SYN3: variants seen among roughly 807,000 people sequenced by gnomAD.
SYN3 encodes synapsin III.
In SYN3, 35 loss-of-function variants were observed where a neutral mutation model predicts 65.8. The observed-to-expected ratio is 0.53, with a 90% CI of 0.41 to 0.70. The LOEUF is 0.70. Among genes scored for constraint, SYN3 ranks in the 30% least tolerant of loss-of-function variants. SYN3 has a pLI of 0.00. For missense variants in SYN3, 680 were observed against 749.0 expected, an observed-to-expected ratio of 0.91 and a Z score of 1.08; for synonymous variants, 270 against 292.9, an observed-to-expected ratio of 0.92 and a Z score of 0.80.
intron 7 of SYN3, among the ~76,000 whole-genome samples, chr22:32,591,852 C>G (rs1470195348): frequency 6.6e-6 from 1 of 152,168 alleles, no homozygotes; most frequent in Non-Finnish European, 1.5e-5. Context: ...TCTTGCACCA[C>G]CCAGCTCCAT....
intron 1 of SYN3, among the ~76,000 whole-genome samples, chr22:33,038,566 G>T (rs1004377277): frequency 6.6e-6 from 1 of 152,150 alleles, no homozygotes; most frequent in Admixed American, 6.5e-5. Context: ...AGAAAAGCAA[G>T]CTCTGGGGGC....
chr22:32,921,628 T>C (rs9621600), intron 4 of SYN3, among the ~76,000 whole-genome samples: 9,645 of 152,230 alleles, frequency 0.063, 988 homozygotes, highest in African/African-American at 0.22. Flanking sequence ...AAAAGTGTGA[T>C]CTGGGGCAAT....
intron 5 of SYN3, among the ~76,000 whole-genome samples, chr22:32,866,754 C>T (rs2048698320): frequency 6.6e-6 from 1 of 152,184 alleles, no homozygotes; most frequent in South Asian, 2.1e-4. Flanking sequence ...GGCCAAAAAG[C>T]CCAGTTAGGG....
chr22:32,520,586 G>A (rs1280737970), intron 12 of SYN3, among the ~76,000 whole-genome samples: 2 of 152,098 alleles, frequency 1.3e-5, no homozygotes, highest in East Asian at 1.9e-4. Context: ...ACTACACCAC[G>A]CAGGCTCGCC....
intron 4 of SYN3, among the ~76,000 whole-genome samples, chr22:32,928,692 G>A: frequency 6.6e-6 from 1 of 152,064 alleles, no homozygotes. Context: ...CCAAGCTTCT[G>A]CTTTCGGTGG....
At chr22:32,976,293 G>A (rs1443762380) in intron 3 of SYN3, among the ~76,000 whole-genome samples, 1 of 152,058 alleles carries the variant, frequency 6.6e-6, no homozygotes, top group Non-Finnish European at 1.5e-5. Flanking sequence ...TTGCTCAAGG[G>A]CAGGGTTTAT....
intron 6 of SYN3, among the ~76,000 whole-genome samples, chr22:32,780,983 T>TTCCTTTCTTCCC (rs2046041065): frequency 1.4e-4 from 11 of 78,186 alleles, no homozygotes; most frequent in African/African-American, 4.4e-4. Context: ...CCTTCCCTCC[T>TTCCTTTCTTCCC]TCCTTCCTCT....
intron 6 of SYN3, among the ~76,000 whole-genome samples, chr22:32,735,467 C>T (rs992967212): frequency 6.6e-6 from 1 of 152,156 alleles, no homozygotes; most frequent in Non-Finnish European, 1.5e-5. Flanking sequence ...ATAATTTGTA[C>T]GAATGACCTA....
Position 33,028,643 on chromosome 22 carries a change from ATGGTGG to A in SYN3, c.-162-21825_-162-21820del, listed in dbSNP as rs133971. On this transcript the variant is annotated intron_variant, in intron 1 of 13. Transcript: ENST00000358763. ...ACTAGGAAGTATAATAAGAACCATG[ATGGTGG>A]TGGTGGTGGTGGTGGTGGTGGTGGT... Among the ~76,000 whole-genome samples, 445 of 93,132 alleles carry A rather than the reference ATGGTGG, an allele frequency of 4.8e-3. 2 individuals are homozygous for A. Among genetic ancestry groups the A allele is most frequent in the African/African-American group, 7.0e-3 (180 of 25,572 alleles). The allele number at this position is 93,132 out of a possible 152,430, so 61.1% of individuals were successfully genotyped here.
chr22:32,992,623 A>G (rs2052752778), intron 2 of SYN3, among the ~76,000 whole-genome samples: 1 of 152,018 alleles, frequency 6.6e-6, no homozygotes, highest in Admixed American at 6.5e-5. Flanking sequence ...GACCAGCCTG[A>G]CCAATATAGT....
At chr22:32,862,227 C>T (rs1024776527) in intron 6 of SYN3, 1 of 152,212 alleles carries the variant, frequency 6.6e-6, no homozygotes, top group African/African-American at 2.4e-5. Flanking sequence ...AATCCAGGGC[C>T]ATGGGAGATA....
At chr22:32,749,748 G>T (rs2045055189) in intron 6 of SYN3, among the ~76,000 whole-genome samples, 1 of 152,218 alleles carries the variant, frequency 6.6e-6, no homozygotes. Flanking sequence ...TTGCAGTGCT[G>T]TTGGTCTAAA....
At chr22:32,811,856 C>G (rs1003062340) in intron 6 of SYN3, among the ~76,000 whole-genome samples, 7 of 152,188 alleles carry the variant, frequency 4.6e-5, no homozygotes, top group African/African-American at 1.7e-4. Flanking sequence ...CCTCTTTAGA[C>G]AGCTCCCATT....
At chr22:33,042,292 GAA>G (rs1299740228) in intron 1 of SYN3, among the ~76,000 whole-genome samples, 1 of 152,126 alleles carries the variant, frequency 6.6e-6, no homozygotes, top group African/African-American at 2.4e-5. Context: ...TGAGAACTTG[GAA>G]ATAAAAGTGT....
chr22:32,719,521 T>C (rs1355125475), intron 6 of SYN3, among the ~76,000 whole-genome samples: 1 of 152,190 alleles, frequency 6.6e-6, no homozygotes, highest in Non-Finnish European at 1.5e-5. Flanking sequence ...GCCCAGCATA[T>C]AGTAAATGTT....
At chr22:32,763,909 A>C (rs1365146463) in intron 6 of SYN3, among the ~76,000 whole-genome samples, 1 of 148,348 alleles carries the variant, frequency 6.7e-6, no homozygotes, top group African/African-American at 2.5e-5. Flanking sequence ...CTGATGACTG[A>C]TGCCTCCAAA....
intron 1 of SYN3, among the ~76,000 whole-genome samples, chr22:33,052,941 T>C (rs904169647): frequency 7.9e-5 from 12 of 152,222 alleles, no homozygotes; most frequent in African/African-American, 2.7e-4. Flanking sequence ...AAAGGGAGCA[T>C]GGATAGCTGT....
intron 6 of SYN3, among the ~76,000 whole-genome samples, chr22:32,779,052 A>G (rs112228652): frequency 2.1e-3 from 313 of 152,360 alleles, no homozygotes; most frequent in African/African-American, 7.3e-3. Context: ...GAAGGCTGAC[A>G]TTAATCAAAT....
chr22:32,870,849 C>A (rs2048830056), intron 4 of SYN3, among the ~76,000 whole-genome samples: 1 of 152,142 alleles, frequency 6.6e-6, no homozygotes, highest in Non-Finnish European at 1.5e-5. Flanking sequence ...CTTTTCCATT[C>A]AAAACAAAAT....
Sources: allele counts gnomAD v4.1 joint callset (sites outside exome capture counted in the v4.1 genomes callset), GRCh38; gene constraint gnomAD v4.1.1; transcripts MANE v1.5; gene names NCBI Gene and HGNC (gene_info 2026-07-23, HGNC 2026-07-21).